The following SIL1 variants were observed in gnomAD, a reference collection of about 807,000 sequenced individuals.
SIL1 encodes SIL1 nucleotide exchange factor.
In SIL1, 40 loss-of-function variants were observed where a neutral mutation model predicts 49.1. The observed-to-expected ratio is 0.81, with a 90% CI of 0.63 to 1.06. The LOEUF (loss-of-function observed/expected upper bound fraction) is 1.06. SIL1 is among the 50% of genes least tolerant of loss of function. SIL1 has a pLI of 0.00. For synonymous variants in SIL1, 253 were observed against 250.8 expected, an observed-to-expected ratio of 1.01 and a Z score of -0.08; for missense variants, 500 against 572.6, an observed-to-expected ratio of 0.87 and a Z score of 1.29.
At chr5:138,979,923 T>G (rs1195144121) in intron 7 of SIL1, among the ~76,000 whole-genome samples, 1 of 152,196 alleles carries the variant, frequency 6.6e-6, no homozygotes, top group African/African-American at 2.4e-5. Context: ...AATGCTCAGG[T>G]AGTCATCCTG....
intron 1 of SIL1, among the ~76,000 whole-genome samples, chr5:139,146,565 G>A (rs1751200613): frequency 6.6e-6 from 1 of 151,872 alleles, no homozygotes; most frequent in East Asian, 1.9e-4. Context: ...TTCAAAAAAT[G>A]TTTAATAAAA....
chr5:139,078,574 A>C (rs1172051917), intron 3 of SIL1, among the ~76,000 whole-genome samples: 14 of 152,240 alleles, frequency 9.2e-5, no homozygotes, highest in Admixed American at 9.2e-4. Context: ...TGCACAGGCC[A>C]GCTGCACTAC....
At chr5:139,151,307 T>G (rs1751295057) in intron 1 of SIL1, among the ~76,000 whole-genome samples, 1 of 152,060 alleles carries the variant, frequency 6.6e-6, no homozygotes, top group South Asian at 2.1e-4. Flanking sequence ...CATTCAGATA[T>G]CTCCAAGCAC....
At chr5:139,131,330 C>T (rs1750858703) in intron 1 of SIL1, among the ~76,000 whole-genome samples, 1 of 152,136 alleles carries the variant, frequency 6.6e-6, no homozygotes, top group South Asian at 2.1e-4. Context: ...CCTGCTTCAC[C>T]TTAACAAATT....
chr5:139,032,520 T>C (rs547788658), intron 5 of SIL1, among the ~76,000 whole-genome samples: 1 of 152,358 alleles, frequency 6.6e-6, no homozygotes, highest in South Asian at 2.1e-4. Flanking sequence ...AATGTTGCTA[T>C]GTAGTTTATT....
chr5:138,970,796 G>A (rs1340240129), intron 7 of SIL1, among the ~76,000 whole-genome samples: 1 of 152,176 alleles, frequency 6.6e-6, no homozygotes, highest in African/African-American at 2.4e-5. Context: ...CAGCTACTAG[G>A]GAGGCTGAGG....
At chr5:139,001,322 T>C (rs1767979847) in intron 7 of SIL1, among the ~76,000 whole-genome samples, 1 of 152,148 alleles carries the variant, frequency 6.6e-6, no homozygotes, top group African/African-American at 2.4e-5. Context: ...GTACTGAAAA[T>C]GTGCATATAA....
intron 6 of SIL1, among the ~76,000 whole-genome samples, chr5:139,024,163 ATACC>A (rs1768593855): frequency 6.6e-6 from 1 of 152,226 alleles, no homozygotes; most frequent in African/African-American, 2.4e-5. Context: ...TGGTGACCTG[ATACC>A]TAAAGATTCA....
At chr5:139,176,436 A>G (rs1197505865) in intron 1 of SIL1, among the ~76,000 whole-genome samples, 4 of 152,148 alleles carry the variant, frequency 2.6e-5, no homozygotes, top group African/African-American at 9.7e-5. Context: ...CTGCTTCCAC[A>G]TTTTAGGTAT....
chr5:139,055,459 T>C (rs1769384053), intron 3 of SIL1, among the ~76,000 whole-genome samples: 1 of 152,128 alleles, frequency 6.6e-6, no homozygotes, highest in South Asian at 2.1e-4. Context: ...TTCTCACACC[T>C]TGACTTTGGA....
At chr5:138,958,593 A>G (rs2150383006) in intron 7 of SIL1, among the ~76,000 whole-genome samples, 1 of 152,276 alleles carries the variant, frequency 6.6e-6, no homozygotes, top group Non-Finnish European at 1.5e-5. Context: ...AAAATCCAAA[A>G]TGCTCTAAAA....
At chr5:139,111,144 C>T (rs903258840) in intron 3 of SIL1, among the ~76,000 whole-genome samples, 3 of 152,212 alleles carry the variant, frequency 2.0e-5, no homozygotes, top group East Asian at 3.8e-4. Context: ...TTCTTCCCAA[C>T]CTTCCATTTC....
rs538611075 is a variant in SIL1 at position 139,014,479 on chromosome 5, AG to A, written c.767+6691del. Among the ~76,000 whole-genome samples the A allele has an allele frequency of 3.1e-3, 465 of 152,276 alleles. 5 individuals carry two copies. The highest frequency in any genetic ancestry group is 0.011 in the African/African-American group (439 of 41,568). Reference sequence around the variant, plus strand: ...GAGTTATGTAAGGAAGAAATTAAGAAGGGGATAGTAGTGAAAAAATCTGAAG... The same window carrying A: ...GAGTTATGTAAGGAAGAAATTAAGAAGGGATAGTAGTGAAAAAATCTGAAG... On this transcript the variant is annotated intron_variant, in intron 7 of 9. Transcript: ENST00000394817.
intron 7 of SIL1, among the ~76,000 whole-genome samples, chr5:139,011,027 C>T (rs1265572397): frequency 4.0e-5 from 6 of 149,762 alleles, no homozygotes; most frequent in South Asian, 4.4e-4. Flanking sequence ...TTTACCTAAG[C>T]AAGCCTGGGC....
chr5:139,170,889 G>A (rs1257307156), intron 1 of SIL1, among the ~76,000 whole-genome samples: 512 of 147,756 alleles, frequency 3.5e-3, no homozygotes, highest in African/African-American at 0.012. Context: ...CTGCCCAGCC[G>A]CCCCTACTGG....
chr5:139,051,071 T>C, intron 3 of SIL1, 25 bp from the exon 4 acceptor site: 3 of 1,609,472 alleles, frequency 1.9e-6, no homozygotes, highest in Non-Finnish European at 2.6e-6. Flanking sequence ...GAGAAAAGGC[T>C]CATGAGGTAC....
At chr5:138,951,642 G>A (rs1334909173) in intron 8 of SIL1, 146 bp downstream of exon 8, 4 of 816,060 alleles carry the variant, frequency 4.9e-6, no homozygotes, top group South Asian at 4.5e-5. Context: ...ATCTGCTTTA[G>A]TTGAGTGTAA....
chr5:139,067,945 A>T (rs1004806740), intron 3 of SIL1, among the ~76,000 whole-genome samples: 3 of 152,234 alleles, frequency 2.0e-5, no homozygotes, highest in Non-Finnish European at 4.4e-5. Flanking sequence ...AAGCAATACA[A>T]ATGTCCATCA....
rs1766791340 is a variant in SIL1, at chr5:138,951,981, CAAG to C, written c.768-100_768-98del. 5.4e-6 allele frequency: 6 copies of C among 1,100,982 alleles called. No homozygotes were observed. In the Admixed American group the frequency reaches 8.7e-5, roughly 16 times the overall value. The allele number at this position is 1,100,982 out of a possible 1,614,324, so 68.2% of individuals were successfully genotyped here. On this transcript the variant is annotated intron_variant, in intron 7 of 9. Coordinates refer to ENST00000394817, the MANE Select transcript of SIL1 (RefSeq NM_022464.5). ...CATGTCAGCCATCCCTGGGGAGAAA[CAAG>C]AACAACAGAGGTTCCCACACGGGGC...
Sources: allele counts gnomAD v4.1 joint callset (sites outside exome capture counted in the v4.1 genomes callset), GRCh38; gene constraint gnomAD v4.1.1; transcripts MANE v1.5; gene names NCBI Gene and HGNC (gene_info 2026-07-23, HGNC 2026-07-21).